The following ADGRG7 variants were observed in gnomAD, a reference collection of about 807,000 sequenced individuals.
ADGRG7 encodes G-protein coupled receptor 128.
In ADGRG7, 82 loss-of-function variants were observed where a neutral mutation model predicts 88.6. The observed-to-expected ratio is 0.93, with a 90% CI of 0.77 to 1.11. ADGRG7 has a LOEUF of 1.11. ADGRG7 is among the 50% of genes most tolerant of loss of function. ADGRG7 has a pLI of 0.00. For synonymous variants in ADGRG7, 381 were observed against 345.2 expected (o/e 1.10, Z -1.15); for missense variants, 945 against 953.4 (o/e 0.99, Z 0.12).
chr3:100,623,254 C>T (rs910115218), intron 1 of ADGRG7, among the ~76,000 whole-genome samples: 1 of 152,182 alleles, frequency 6.6e-6, no homozygotes, highest in Non-Finnish European at 1.5e-5. Flanking sequence ...TTGAGGACTA[C>T]AGTCCACCTC....
intron 15 of ADGRG7, among the ~76,000 whole-genome samples, chr3:100,691,170 G>A (rs1176535150): frequency 2.0e-5 from 3 of 152,224 alleles, no homozygotes; most frequent in Non-Finnish European, 4.4e-5. Context: ...ACCCAGGTGC[G>A]AGATATAATC....
intron 1 of ADGRG7, among the ~76,000 whole-genome samples, chr3:100,618,914 C>T (rs1707266459): frequency 6.6e-6 from 1 of 152,080 alleles, no homozygotes; most frequent in African/African-American, 2.4e-5. Flanking sequence ...TTGTAGTTCT[C>T]CTTGAAGAGG....
At chr3:100,630,933 A>G (rs1227013473) in intron 3 of ADGRG7, 124 bp downstream of exon 3, 1 of 424,048 alleles carries the variant, frequency 2.4e-6, no homozygotes, top group Non-Finnish European at 4.1e-6. Context: ...GAAGGACTTA[A>G]CTCCCTTTCG....
At chr3:100,637,271 T>A in intron 5 of ADGRG7, 31 bp from the exon 6 acceptor site, 1 of 1,370,694 alleles carries the variant, frequency 7.3e-7, no homozygotes, top group Non-Finnish European at 1.0e-6. Context: ...GATATATGCT[T>A]CTCTGATGAT....
chr3:100,626,797 T>G (rs1707386316), intron 1 of ADGRG7, among the ~76,000 whole-genome samples: 1 of 152,048 alleles, frequency 6.6e-6, no homozygotes, highest in African/African-American at 2.4e-5. Context: ...GAAAAAAAAA[T>G]TATCTGAACA....
chr3:100,674,088 T>C (rs1050345404), intron 15 of ADGRG7, among the ~76,000 whole-genome samples: 10 of 152,246 alleles, frequency 6.6e-5, no homozygotes, highest in African/African-American at 2.4e-4. Context: ...CATTGTGTCT[T>C]TGTTCTCATT....
At chr3:100,691,743 AT>A (rs1395001902) in intron 15 of ADGRG7, among the ~76,000 whole-genome samples, 1 of 118,174 alleles carries the variant, frequency 8.5e-6, no homozygotes, top group Non-Finnish European at 1.9e-5. Flanking sequence ...TTCTAGCCTT[AT>A]TAACTATCAA....
intron 14 of ADGRG7, among the ~76,000 whole-genome samples, chr3:100,663,768 G>C (rs2094948490): frequency 6.6e-6 from 1 of 151,958 alleles, no homozygotes; most frequent in African/African-American, 2.4e-5. Flanking sequence ...AGTCTTCAGA[G>C]TCTCTAGACC....
intron 15 of ADGRG7, among the ~76,000 whole-genome samples, chr3:100,679,340 C>T (rs1252909477): frequency 6.6e-6 from 1 of 152,176 alleles, no homozygotes; most frequent in Non-Finnish European, 1.5e-5. Context: ...TGCTGCCAGT[C>T]AAGGCAGTGT....
At chr3:100,686,580 A>G (rs1309081089) in intron 15 of ADGRG7, among the ~76,000 whole-genome samples, 1 of 152,214 alleles carries the variant, frequency 6.6e-6, no homozygotes, top group Non-Finnish European at 1.5e-5. Flanking sequence ...ATCCAGTTTC[A>G]GCTTTCTACA....
At chr3:100,688,726 A>G (rs915409530) in intron 15 of ADGRG7, among the ~76,000 whole-genome samples, 27 of 152,200 alleles carry the variant, frequency 1.8e-4, no homozygotes, top group Non-Finnish European at 3.7e-4. Flanking sequence ...GTTTGATTGC[A>G]CTGTGGTCTG....
In ADGRG7 at chr3:100,659,722, A is replaced by T. The variant is rs2094942625; in HGVS notation, c.1858A>T (p.Ile620Leu). ...WLAIPEPNGV[I>L]KSPLLWSFIV... ...GGCAATTCCAGAACCCAATGGTGTT[A>T]TAAAAAGTCCGCTGTTGTGGTCATT... The change falls in exon 14 of 16, where the codon ATA (isoleucine) becomes TTA (leucine). Residue 620 changes from isoleucine to leucine, a missense_variant. Ile to Leu is a conservative substitution (Grantham distance 5). Transcript: ENST00000273352. 1 of 1,613,902 alleles carries T rather than the reference A, an allele frequency of 6.2e-7. No homozygotes were observed. The highest frequency in any genetic ancestry group is 1.7e-5 in the Admixed American group (1 of 59,982).
intron 6 of ADGRG7, among the ~76,000 whole-genome samples, chr3:100,639,398 G>A (rs1707601432): frequency 6.6e-6 from 1 of 152,158 alleles, no homozygotes; most frequent in African/African-American, 2.4e-5. Context: ...AATTTTCAAA[G>A]TAGAAAAAGC....
chr3:100,648,372 T>G (rs554408246), intron 10 of ADGRG7, among the ~76,000 whole-genome samples: 1 of 152,186 alleles, frequency 6.6e-6, no homozygotes, highest in Non-Finnish European at 1.5e-5. Flanking sequence ...TGAAGACCTA[T>G]GAATCTTACG....
rs7628074 is a variant in ADGRG7 at position 100,656,401 on chromosome 3, A to C, written c.1823+406A>C. 8.6e-3 allele frequency among the ~76,000 whole-genome samples: 1,306 copies of C among 152,346 alleles called. 13 individuals are homozygous for C. Among genetic ancestry groups the C allele is most frequent in the African/African-American group, 0.019 (776 of 41,576 alleles). The stretch of plus-strand genomic sequence containing the variant: ...GATCAATCAAGTGTGAAAACATTTA[A>C]TAACTCGAACACTATATGTCTCACT... On this transcript the variant is annotated intron_variant, in intron 13 of 15. Transcript: ENST00000273352.
At chr3:100,678,163 T>C (rs1189252432) in intron 15 of ADGRG7, among the ~76,000 whole-genome samples, 4 of 152,068 alleles carry the variant, frequency 2.6e-5, no homozygotes, top group Non-Finnish European at 4.4e-5. Flanking sequence ...ATAGCCTGTC[T>C]TCAAGCTCAC....
chr3:100,637,493 T>C, intron 6 of ADGRG7, 91 bp downstream of exon 6: 1 of 851,554 alleles, frequency 1.2e-6, no homozygotes, highest in South Asian at 1.5e-5. Context: ...TTTATTTCTC[T>C]CATGGATGCA....
At chr3:100,648,400 T>C (rs1254425233) in intron 10 of ADGRG7, among the ~76,000 whole-genome samples, 1 of 152,206 alleles carries the variant, frequency 6.6e-6, no homozygotes, top group East Asian at 1.9e-4. Flanking sequence ...TTGCATCTAC[T>C]TAGTACACTA....
intron 15 of ADGRG7, among the ~76,000 whole-genome samples, chr3:100,685,441 T>G (rs903550443): frequency 6.6e-6 from 1 of 152,148 alleles, no homozygotes; most frequent in Admixed American, 6.5e-5. Context: ...TTGTTACATA[T>G]GTATACATGT....
Sources: allele counts gnomAD v4.1 joint callset (sites outside exome capture counted in the v4.1 genomes callset), GRCh38; gene constraint gnomAD v4.1.1; transcripts MANE v1.5; gene names NCBI Gene and HGNC (gene_info 2026-07-23, HGNC 2026-07-21).